PPP2R2B: variants seen among roughly 807,000 people sequenced by gnomAD.
PPP2R2B encodes protein phosphatase 2 regulatory subunit Bbeta.
PPP2R2B carries 5 observed loss-of-function variants against 46.0 expected under a neutral mutation model. That is an observed-to-expected ratio of 0.11 (90% CI 0.06 to 0.23). The LOEUF (loss-of-function observed/expected upper bound fraction) is 0.23, where lower values mean the gene tolerates loss of function less well. PPP2R2B is among the 10% of genes least tolerant of loss of function. PPP2R2B has a pLI of 1.00. For synonymous variants in PPP2R2B, 215 were observed against 206.7 expected, an observed-to-expected ratio of 1.04 and a Z score of -0.34; for missense variants, 367 against 575.0, an observed-to-expected ratio of 0.64 and a Z score of 3.70.
At chr5:146,831,443 G>A (rs1395428965) in intron 2 of PPP2R2B, among the ~76,000 whole-genome samples, 1 of 139,568 alleles carries the variant, frequency 7.2e-6, no homozygotes, top group Non-Finnish European at 1.5e-5. Context: ...GTTGCAGTGA[G>A]CCGAGATTGC....
At chr5:146,704,128 C>G (rs1051908655) in intron 2 of PPP2R2B, among the ~76,000 whole-genome samples, 5 of 152,200 alleles carry the variant, frequency 3.3e-5, no homozygotes, top group African/African-American at 1.2e-4. Context: ...CTGCCCCATC[C>G]ATCTCTGCAT....
chr5:147,075,756 C>T (rs187743180), intron 2 of PPP2R2B, among the ~76,000 whole-genome samples: 12 of 152,216 alleles, frequency 7.9e-5, no homozygotes, highest in Non-Finnish European at 1.5e-4. Context: ...AGCCTATTGC[C>T]TCCAAAACAT....
intron 2 of PPP2R2B, among the ~76,000 whole-genome samples, chr5:146,803,296 GC>G (rs1216587826): frequency 2.5e-4 from 38 of 152,266 alleles, no homozygotes; most frequent in Non-Finnish European, 1.5e-5. Flanking sequence ...AACTATGTAA[GC>G]CCCAGCAAAT....
chr5:146,832,775 AC>A (rs1192448977), intron 2 of PPP2R2B, among the ~76,000 whole-genome samples: 1 of 152,070 alleles, frequency 6.6e-6, no homozygotes, highest in Non-Finnish European at 1.5e-5. Context: ...ATGATTGCCT[AC>A]ACTATTCAGA....
intron 2 of PPP2R2B, among the ~76,000 whole-genome samples, chr5:146,733,699 C>CCACACACACA (rs1554130466): frequency 2.7e-5 from 4 of 150,670 alleles, no homozygotes; most frequent in African/African-American, 1.0e-4. Context: ...GAAAACAAAA[C>CCACACACACA]CACACACAGA....
chr5:146,850,216 G>A (rs536100265), intron 2 of PPP2R2B, among the ~76,000 whole-genome samples: 11 of 152,110 alleles, frequency 7.2e-5, no homozygotes, highest in South Asian at 4.1e-4. Flanking sequence ...ACTGCTTCAC[G>A]TGGGCATATA....
intron 1 of PPP2R2B, among the ~76,000 whole-genome samples, chr5:147,025,449 G>A (rs534378802): frequency 2.0e-5 from 3 of 151,298 alleles, no homozygotes; most frequent in Admixed American, 6.6e-5. Context: ...AAAGTCACGC[G>A]AAGACATTAC....
intron 1 of PPP2R2B, among the ~76,000 whole-genome samples, chr5:146,998,768 C>T (rs1754030933): frequency 6.6e-6 from 1 of 152,020 alleles, no homozygotes; most frequent in African/African-American, 2.4e-5. Flanking sequence ...GACTTTATTC[C>T]ACTTGCCCCT....
chr5:147,062,196 A>G (rs1757279797), intron 2 of PPP2R2B, among the ~76,000 whole-genome samples: 1 of 152,202 alleles, frequency 6.6e-6, no homozygotes, highest in Admixed American at 6.5e-5. Flanking sequence ...CAGGACCATG[A>G]CATTCAGGAC....
At chr5:146,707,142 C>T in intron 2 of PPP2R2B, 1 of 1,597,310 alleles carries the variant, frequency 6.3e-7, no homozygotes, top group Non-Finnish European at 8.5e-7. Flanking sequence ...GCTTCAGCTT[C>T]TCCTGGCCCA....
rs1324613024 is a variant in PPP2R2B, at chr5:146,585,256, G to GCACACACA, written c.*4690_*4691insTGTGTGTG. 2.8e-5 allele frequency: 1 copy of GCACACACA among 36,326 alleles called. No homozygotes were observed. The highest frequency in any genetic ancestry group is 9.4e-5 in the African/African-American group (1 of 10,640). The allele number at this position is 36,326 out of a possible 1,614,324, so 2.3% of individuals were successfully genotyped here. A position where few individuals can be genotyped will look rare whatever the true frequency, so the allele number is the denominator to read the frequency against. On this transcript the variant is annotated 3_prime_UTR_variant, in exon 10 of 10. Transcript: ENST00000394411. ...TCTGATCAGTAACTTCCATCTACATGCATACACACACACACACACACACAC... is the reference window on the plus strand; with the variant it reads ...TCTGATCAGTAACTTCCATCTACATGCACACACACATACACACACACACACACACACAC...
intron 2 of PPP2R2B, among the ~76,000 whole-genome samples, chr5:147,075,147 A>C (rs576009856): frequency 9.5e-4 from 145 of 152,300 alleles, no homozygotes; most frequent in African/African-American, 3.3e-3. Context: ...ATCGAGTGGG[A>C]AATTTTTACC....
intron 5 of PPP2R2B, among the ~76,000 whole-genome samples, chr5:146,686,128 C>T (rs116412161): frequency 1.3e-3 from 195 of 152,294 alleles, no homozygotes; most frequent in Middle Eastern, 3.4e-3. Flanking sequence ...CTCTAAAACA[C>T]GGTTTCCATT....
At chr5:147,056,454 T>C (rs1757086073), upstream of PPP2R2B, among the ~76,000 whole-genome samples, 1 of 152,196 alleles carries the variant, frequency 6.6e-6, no homozygotes, top group African/African-American at 2.4e-5. Context: ...TACTGCCTCT[T>C]TCTTCCCCTG....
At chr5:146,917,052 G>A (rs529967538) in intron 1 of PPP2R2B, among the ~76,000 whole-genome samples, 1 of 152,234 alleles carries the variant, frequency 6.6e-6, no homozygotes, top group Admixed American at 6.5e-5. Context: ...GAAGGTTATA[G>A]CAATTATTAC....
chr5:146,780,551 T>C (rs572007070), intron 2 of PPP2R2B, among the ~76,000 whole-genome samples: 3 of 152,338 alleles, frequency 2.0e-5, no homozygotes, highest in African/African-American at 7.2e-5. Context: ...TTACATTTTC[T>C]ACAATTATCT....
At chr5:146,753,735 G>A (rs1244216017) in intron 2 of PPP2R2B, among the ~76,000 whole-genome samples, 1 of 152,106 alleles carries the variant, frequency 6.6e-6, no homozygotes, top group African/African-American at 2.4e-5. Flanking sequence ...CCAGAGTCCG[G>A]GAATAGCTGC....
chr5:146,803,556 A>C (rs1325536022), intron 2 of PPP2R2B, among the ~76,000 whole-genome samples: 1 of 152,206 alleles, frequency 6.6e-6, no homozygotes, highest in Non-Finnish European at 1.5e-5. Flanking sequence ...GAATATTTGA[A>C]AATATTATAT....
intron 1 of PPP2R2B, among the ~76,000 whole-genome samples, chr5:146,968,624 T>C (rs1206328221): frequency 6.6e-6 from 1 of 152,252 alleles, no homozygotes; most frequent in Non-Finnish European, 1.5e-5. Flanking sequence ...TTTTGTGTTG[T>C]TCACAGATAC....
Sources: allele counts gnomAD v4.1 joint callset (sites outside exome capture counted in the v4.1 genomes callset), GRCh38; gene constraint gnomAD v4.1.1; transcripts MANE v1.5; gene names NCBI Gene and HGNC (gene_info 2026-07-23, HGNC 2026-07-21).